The following ASH1L variants were observed in gnomAD, a reference collection of about 807,000 sequenced individuals.
ASH1L encodes the protein histone-lysine N-methyltransferase ASH1L.
In ASH1L, 23 loss-of-function variants were observed where a neutral mutation model predicts 269.0. The ratio of observed to expected loss-of-function variants is 0.09; its 90% CI spans 0.06 to 0.12. ASH1L has a LOEUF of 0.12. Ranked by LOEUF, ASH1L falls within the 10% of genes least tolerant of loss-of-function variation. ASH1L has a pLI of 1.00. For synonymous variants in ASH1L, 1,187 were observed against 1,253.5 expected, an observed-to-expected ratio of 0.95 and a Z score of 1.12; for missense variants, 2,912 against 3,567.8, an observed-to-expected ratio of 0.82 and a Z score of 4.68.
At chr1:155,367,623 C>A (rs1468966335) in intron 12 of ASH1L, among the ~76,000 whole-genome samples, 1 of 151,958 alleles carries the variant, frequency 6.6e-6, no homozygotes, top group Non-Finnish European at 1.5e-5. Flanking sequence ...TTGTTAGTTC[C>A]TTTTTATTCC....
chr1:155,347,572 T>A (rs1329465172), intron 20 of ASH1L, 84 bp downstream of exon 20: 1 of 1,566,590 alleles, frequency 6.4e-7, no homozygotes, highest in African/African-American at 1.4e-5. Flanking sequence ...TTCAAGCCAA[T>A]CCAAAAGAGG....
At position 155,349,392 on chromosome 1, in the gene ASH1L, T is replaced by G; in HGVS notation, c.7489A>C (p.Thr2497Pro). Residue 2497 changes from threonine (T) to proline (P), a missense_variant, in exon 19 of 28, where the codon ACT becomes CCT. Around this residue, in one of 13 missense-constraint regions of ASH1L, gnomAD observed 309 missense variants for 435.1 expected, o/e 0.71. Coordinates refer to ENST00000392403, the MANE Select transcript of ASH1L (RefSeq NM_018489.3). ...DLITIEKQIL[T>P]GYYKTVEAFD... ...GCTTCCACTGTCTTATAGTAACCAG[T>G]GAGGATCTGCTTCTCTATGGTGATA... is the stretch of plus-strand genomic sequence containing the variant. 1 of 1,614,078 alleles carries G rather than the reference T, an allele frequency of 6.2e-7. No homozygotes were observed. The highest frequency in any genetic ancestry group is 8.5e-7 in the Non-Finnish European group (1 of 1,179,920).
At chr1:155,345,828 CTTTTTT>C (rs547656258) in intron 21 of ASH1L, 1,603 of 144,142 alleles carry the variant, frequency 0.011, 43 homozygotes, top group African/African-American at 0.038. Flanking sequence ...TGCACCCGGC[CTTTTTT>C]TTTTTTTTTT....
At position 155,343,462 on chromosome 1, in the gene ASH1L, G is replaced by A. The variant is rs774055331; in HGVS notation, c.8145C>T (p.His2715=). Residue 2715 remains histidine (H), a synonymous_variant, in exon 24 of 28, where the codon CAC becomes CAT. Transcript: ENST00000392403. The surrounding 1 kb of genome is among the most constrained non-coding windows in gnomAD (Gnocchi z 6.1). Reference sequence around the variant, plus strand: ...GTGTTTCGTGGGGACGGAAATAATGGTGACCAAAGGCAAACCGTTCCTCTC... The same window carrying A: ...GTGTTTCGTGGGGACGGAAATAATGATGACCAAAGGCAAACCGTTCCTCTC... The part of the protein sequence containing the change: ...NEKEERFAFG[H]HYFRPHETHH... 1.2e-6 allele frequency: 2 copies of A among 1,614,152 alleles called. No individual in the cohort carries two copies. The highest frequency in any genetic ancestry group is 1.7e-6 in the Non-Finnish European group (2 of 1,180,016).
chr1:155,452,551 C>CTT (rs759933732), intron 4 of ASH1L, among the ~76,000 whole-genome samples: 15 of 134,598 alleles, frequency 1.1e-4, no homozygotes, highest in South Asian at 4.7e-4. Context: ...AAGGTGTAAC[C>CTT]TTTTTTTTTT....
intron 3 of ASH1L, among the ~76,000 whole-genome samples, chr1:155,465,306 A>AAAAAAAAAAAAAAAG (rs1664597865): frequency 6.6e-6 from 1 of 151,164 alleles, no homozygotes; most frequent in East Asian, 1.9e-4. Flanking sequence ...AAAAAAAAAA[A>AAAAAAAAAAAAAAAG]AAAAAACAGT....
intron 6 of ASH1L, among the ~76,000 whole-genome samples, chr1:155,411,272 T>A (rs1304919137): frequency 6.6e-6 from 1 of 152,108 alleles, no homozygotes; most frequent in East Asian, 1.9e-4. Flanking sequence ...ATACATGTAC[T>A]AAACTGATCA....
intron 2 of ASH1L, chr1:155,520,085 C>T (rs1371314046): frequency 4.6e-5 from 7 of 152,086 alleles, no homozygotes; most frequent in Admixed American, 3.9e-4. Flanking sequence ...GGTACAGTGG[C>T]TCACACCTGT....
rs536430470 is a variant in ASH1L, at chr1:155,561,258, C to G, written c.-100+895G>C. The stretch of plus-strand genomic sequence containing the variant: ...GCGACAACAAATAAGGCCACCCATT[C>G]TTTACAACTTTGTAGTAATGATTCT... On this transcript the variant is annotated intron_variant, in intron 1 of 27. Coordinates refer to ENST00000392403, the MANE Select transcript of ASH1L (RefSeq NM_018489.3). Among the ~76,000 whole-genome samples, 38 of 149,882 alleles carry G rather than the reference C, an allele frequency of 2.5e-4. 1 individual carries two copies. In the South Asian group the frequency reaches 8.2e-3, roughly 32 times the overall value.
chr1:155,447,637 A>C (rs2148646549), intron 4 of ASH1L, among the ~76,000 whole-genome samples: 1 of 152,272 alleles, frequency 6.6e-6, no homozygotes, highest in East Asian at 1.9e-4. Context: ...TTGAATACCT[A>C]TGCCTGTTGC....
At chr1:155,465,342 A>G (rs572991865) in intron 3 of ASH1L, among the ~76,000 whole-genome samples, 123 of 151,728 alleles carry the variant, frequency 8.1e-4, no homozygotes, top group African/African-American at 2.9e-3. Flanking sequence ...TTGGTTGGAC[A>G]AAACATATGT....
intron 6 of ASH1L, among the ~76,000 whole-genome samples, chr1:155,415,193 C>T (rs566953228): frequency 4.6e-5 from 7 of 151,998 alleles, no homozygotes; most frequent in African/African-American, 1.4e-4. Flanking sequence ...ACCATCCTGG[C>T]TAACATGGTG....
At chr1:155,515,109 C>T (rs1668408636) in intron 2 of ASH1L, among the ~76,000 whole-genome samples, 1 of 152,148 alleles carries the variant, frequency 6.6e-6, no homozygotes, top group African/African-American at 2.4e-5. Flanking sequence ...AACCATTACA[C>T]CTGAGACGTA....
chr1:155,362,512 A>AT (rs1330483373), intron 12 of ASH1L, among the ~76,000 whole-genome samples: 2 of 152,108 alleles, frequency 1.3e-5, no homozygotes, highest in Non-Finnish European at 2.9e-5. Context: ...AATATGTAAT[A>AT]TTATTAGTTA....
chr1:155,412,241 CAA>C (rs556050785), intron 6 of ASH1L, among the ~76,000 whole-genome samples: 20 of 115,682 alleles, frequency 1.7e-4, no homozygotes, highest in African/African-American at 3.5e-4. Context: ...GACTCCGTCT[CAA>C]AAAAAAAAAA....
intron 17 of ASH1L, 117 bp from the exon 18 acceptor site, chr1:155,349,713 T>C: frequency 4.8e-6 from 3 of 627,450 alleles, no homozygotes; most frequent in Non-Finnish European, 7.1e-6. Flanking sequence ...CCAAGTCTTT[T>C]TTTTTTTTTT....
At chr1:155,360,222 C>T in intron 13 of ASH1L, 79 bp downstream of exon 13, 1 of 984,030 alleles carries the variant, frequency 1.0e-6, no homozygotes, top group East Asian at 2.5e-5. Context: ...CCAAGTCAAT[C>T]ATGTTTACAG....
At chr1:155,376,235 G>A (rs915446704) in intron 10 of ASH1L, among the ~76,000 whole-genome samples, 5 of 152,240 alleles carry the variant, frequency 3.3e-5, no homozygotes, top group Non-Finnish European at 2.9e-5. Context: ...ATGATAAGGT[G>A]TGAATTTACA....
chr1:155,346,649 T>G (rs2148332954), intron 20 of ASH1L, among the ~76,000 whole-genome samples, 180 bp from the exon 21 acceptor site: 1 of 152,314 alleles, frequency 6.6e-6, no homozygotes, highest in Middle Eastern at 3.4e-3. Context: ...AAATAATGAC[T>G]GTTCTAAGCA....
Sources: allele counts gnomAD v4.1 joint callset (sites outside exome capture counted in the v4.1 genomes callset), GRCh38; gene constraint gnomAD v4.1.1; regional missense constraint gnomAD v4.1.1; non-coding constraint Gnocchi (gnomAD v3.1); transcripts MANE v1.5; gene names NCBI Gene and HGNC (gene_info 2026-07-23, HGNC 2026-07-21).